SNX31: variants seen among roughly 807,000 people sequenced by gnomAD.
The protein encoded by SNX31 is sorting nexin-31.
SNX31 carries 58 observed loss-of-function variants against 65.4 expected under a neutral mutation model. The observed-to-expected ratio is 0.89, with a 90% CI of 0.72 to 1.10. The LOEUF is 1.10. SNX31 is among the 50% of genes least tolerant of loss of function. The pLI is 0.00. For missense variants in SNX31, 523 were observed against 529.7 expected (o/e 0.99, Z 0.12); for synonymous variants, 181 against 190.1 (o/e 0.95, Z 0.39).
At chr8:100,643,589 A>G (rs1683156852) in intron 2 of SNX31, among the ~76,000 whole-genome samples, 1 of 152,160 alleles carries the variant, frequency 6.6e-6, no homozygotes, top group African/African-American at 2.4e-5. Context: ...ACTACGAGGT[A>G]GACAGATCCT....
At chr8:100,652,216 G>A (rs555258060), upstream of SNX31, among the ~76,000 whole-genome samples, 9 of 152,204 alleles carry the variant, frequency 5.9e-5, no homozygotes, top group South Asian at 1.9e-3. Context: ...CTGACCTCAT[G>A]ATCTACCCGC....
intron 8 of SNX31, among the ~76,000 whole-genome samples, chr8:100,603,674 T>C (rs961971151): frequency 2.6e-5 from 4 of 151,678 alleles, no homozygotes; most frequent in African/African-American, 9.7e-5. Context: ...TGACCTCAGA[T>C]ACCTCGGATG....
intron 2 of SNX31, among the ~76,000 whole-genome samples, chr8:100,647,201 G>A (rs1275847916): frequency 6.6e-6 from 1 of 152,058 alleles, no homozygotes; most frequent in Non-Finnish European, 1.5e-5. Flanking sequence ...TGCGATATAT[G>A]GAAGTTGGAA....
At chr8:100,605,346 G>C (rs1320572732) in intron 8 of SNX31, among the ~76,000 whole-genome samples, 1 of 152,150 alleles carries the variant, frequency 6.6e-6, no homozygotes, top group African/African-American at 2.4e-5. Flanking sequence ...CCTCCCAAAA[G>C]AGGCAGTGAT....
chr8:100,653,615 A>G (rs1820010099), upstream of SNX31, among the ~76,000 whole-genome samples: 1 of 152,092 alleles, frequency 6.6e-6, no homozygotes, highest in Non-Finnish European at 1.5e-5. Flanking sequence ...TTTCAGAGAG[A>G]GCACGGCTCT....
At chr8:100,591,562 G>T (rs540023069) in intron 10 of SNX31, among the ~76,000 whole-genome samples, 1 of 152,098 alleles carries the variant, frequency 6.6e-6, no homozygotes, top group African/African-American at 2.4e-5. Context: ...GGCCAGGCAT[G>T]GGGGCTCATG....
chr8:100,603,741 C>T (rs1183468613), intron 8 of SNX31, among the ~76,000 whole-genome samples: 3 of 145,868 alleles, frequency 2.1e-5, no homozygotes, highest in Non-Finnish European at 4.5e-5. Flanking sequence ...CCACCACACC[C>T]GGCCTTTTTT....
chr8:100,589,019 T>C, intron 10 of SNX31, 40 bp from the exon 11 acceptor site: 1 of 1,529,728 alleles, frequency 6.5e-7, no homozygotes, highest in Non-Finnish European at 9.0e-7. Flanking sequence ...TAAATTTAAA[T>C]GCCTATTAAT....
intron 12 of SNX31, among the ~76,000 whole-genome samples, chr8:100,581,339 A>G (rs563657858): frequency 8.1e-6 from 1 of 123,978 alleles, no homozygotes; most frequent in Non-Finnish European, 1.8e-5. Flanking sequence ...CTATCTATCT[A>G]TATATATATA....
chr8:100,662,691 C>A (rs548518755), intron 1 of SNX31, among the ~76,000 whole-genome samples: 1 of 151,952 alleles, frequency 6.6e-6, no homozygotes, highest in African/African-American at 2.4e-5. Flanking sequence ...AGCAAGACTC[C>A]GTCTCAAAAA....
intron 8 of SNX31, among the ~76,000 whole-genome samples, chr8:100,608,254 A>G (rs1816358297): frequency 6.6e-6 from 1 of 152,180 alleles, no homozygotes; most frequent in Non-Finnish European, 1.5e-5. Flanking sequence ...CATCACTGCT[A>G]TTTAGAGCTC....
intron 10 of SNX31, among the ~76,000 whole-genome samples, chr8:100,595,910 G>A (rs1315172913): frequency 6.6e-6 from 1 of 152,104 alleles, no homozygotes; most frequent in African/African-American, 2.4e-5. Context: ...ATGCTCAGAG[G>A]GAGAAGTGGC....
chr8:100,599,017 T>C (rs1042246704), intron 9 of SNX31, among the ~76,000 whole-genome samples: 1 of 152,250 alleles, frequency 6.6e-6, no homozygotes, highest in Non-Finnish European at 1.5e-5. Flanking sequence ...ACAGAAAGTA[T>C]AGTTGTTAAT....
intron 3 of SNX31, among the ~76,000 whole-genome samples, chr8:100,634,951 T>C (rs1271018029): frequency 1.4e-5 from 2 of 145,936 alleles, no homozygotes; most frequent in Non-Finnish European, 3.0e-5. Context: ...TAGTCCCAGC[T>C]TCTCAGGAAG....
rs147568310 is a variant in SNX31, at chr8:100,605,855, G to A, written c.681+2639C>T. On this transcript the variant is annotated intron_variant, in intron 8 of 13. Coordinates refer to ENST00000311812, the MANE Select transcript of SNX31 (RefSeq NM_152628.4). Reference sequence around the variant, plus strand: ...TGAGAAGCAAAAGACATGCCATAAAGATGATATTTCCCACAGGAACGATAT... The same window carrying A: ...TGAGAAGCAAAAGACATGCCATAAAAATGATATTTCCCACAGGAACGATAT... Among the ~76,000 whole-genome samples, 8 of 152,274 alleles carry A rather than the reference G, an allele frequency of 5.3e-5. No homozygotes were observed. The East Asian group carries it at 7.7e-4, about 15-fold the overall frequency.
In SNX31 at chr8:100,578,550, G is replaced by A. The variant is rs1455557142; in HGVS notation, c.1171-1475C>T. On this transcript the variant is annotated intron_variant, in intron 12 of 13. Transcript: ENST00000311812. This position sits in a 1 kb window ranked among gnomAD's most constrained non-coding sequence, Gnocchi z 4.7. ...TAAGTGGGCTAAATAACATGACACT[G>A]CAAAAAAGCATTACCTTTCAACTAT... Among the ~76,000 whole-genome samples the A allele has an allele frequency of 2.0e-5, 3 of 151,910 alleles. No individual in the cohort carries two copies. In the East Asian group the frequency reaches 5.8e-4, roughly 29 times the overall value.
At position 100,660,239 on chromosome 8, in the gene SNX31, G is replaced by C. The variant is rs569227802; in HGVS notation, c.-58+2903C>G. On this transcript the variant is annotated intron_variant, in intron 1 of 5. Coordinates refer to the SNX31 transcript ENST00000520352. This position sits in a 1 kb window ranked among gnomAD's most constrained non-coding sequence, Gnocchi z 4.1. The stretch of plus-strand genomic sequence containing the variant: ...ACACCTACCCACAGATTAGCTAATG[G>C]TATTAGCAGTAGTAATAATAGTAGA... 5.3e-5 allele frequency among the ~76,000 whole-genome samples: 8 copies of C among 152,216 alleles called. No individual in the cohort carries two copies. Among genetic ancestry groups the C allele is most frequent in the Admixed American group, 5.2e-4 (8 of 15,290 alleles).
In SNX31 at chr8:100,575,580, A is replaced by G. The variant is rs1335577923; in HGVS notation, c.1227+1439T>C. 6.6e-6 allele frequency among the ~76,000 whole-genome samples: 1 copy of G among 152,182 alleles called. No individual in the cohort carries two copies. The highest frequency in any genetic ancestry group is 1.5e-5 in the Non-Finnish European group (1 of 68,028). On this transcript the variant is annotated intron_variant, in intron 13 of 13. Transcript: ENST00000311812. The surrounding 1 kb of genome is among the most constrained non-coding windows in gnomAD (Gnocchi z 5.1). ...CTGTTGTCCTAGGACAGTGGCTCTC[A>G]AACTTGAACATGCATCAGATTTGTC... is the stretch of plus-strand genomic sequence containing the variant.
Position 100,611,992 on chromosome 8 carries a change from C to G in SNX31, c.611+8G>C, listed in dbSNP as rs766617916. On this transcript the variant is annotated splice_region_variant and intron_variant, in intron 7 of 13. Coordinates refer to ENST00000311812, the MANE Select transcript of SNX31 (RefSeq NM_152628.4). ...CAAACGCCTCTGTCACTTTCAGAAC[C>G]TACTTACCACTTTCGGAGTCCAACC... 1.9e-6 allele frequency: 3 copies of G among 1,611,308 alleles called. No homozygotes were observed. Among genetic ancestry groups the G allele is most frequent in the South Asian group, 1.1e-5 (1 of 91,008 alleles).
Sources: allele counts gnomAD v4.1 joint callset (sites outside exome capture counted in the v4.1 genomes callset), GRCh38; gene constraint gnomAD v4.1.1; non-coding constraint Gnocchi (gnomAD v3.1); transcripts MANE v1.5; gene names NCBI Gene and HGNC (gene_info 2026-07-23, HGNC 2026-07-21).